Variants in LIN9 observed in about 807,000 individuals in gnomAD.
LIN9 encodes the protein protein lin-9 homolog.
LIN9 carries 18 observed loss-of-function variants against 78.0 expected under a neutral mutation model. That is an observed-to-expected ratio of 0.23 (90% CI 0.16 to 0.34). The LOEUF (loss-of-function observed/expected upper bound fraction) is 0.34, where lower values mean the gene tolerates loss of function less well. LIN9 is among the 10% of genes least tolerant of loss of function. LIN9 has a pLI of 1.00. For synonymous variants in LIN9, 192 were observed against 215.2 expected, an observed-to-expected ratio of 0.89 and a Z score of 0.94; for missense variants, 451 against 644.1, an observed-to-expected ratio of 0.70 and a Z score of 3.25.
intron 1 of LIN9, among the ~76,000 whole-genome samples, chr1:226,307,452 G>A (rs1183765231): frequency 1.3e-5 from 2 of 152,092 alleles, no homozygotes; most frequent in Non-Finnish European, 1.5e-5. Flanking sequence ...GACCAACATG[G>A]AGAAACCCCC....
At chr1:226,306,323 C>CAA (rs111756973) in intron 1 of LIN9, among the ~76,000 whole-genome samples, 1 of 141,720 alleles carries the variant, frequency 7.1e-6, no homozygotes, top group Non-Finnish European at 1.5e-5. Flanking sequence ...GACTCTGTCT[C>CAA]AAAAAAAAAA....
At chr1:226,292,868 CT>C (rs1661882939) in intron 4 of LIN9, among the ~76,000 whole-genome samples, 1 of 152,130 alleles carries the variant, frequency 6.6e-6, no homozygotes, top group South Asian at 2.1e-4. Flanking sequence ...TACTTCCTAG[CT>C]TTGAGTTCTT....
At position 226,297,794 on chromosome 1, in the gene LIN9, C is replaced by A. The variant is rs201383597; in HGVS notation, c.84G>T (p.Thr28=). The change falls in exon 3 of 15, where the codon ACG becomes ACT. Residue 28 remains threonine, a synonymous_variant. Transcript: ENST00000681046. ...GTAAAGAACTGTACTTTTCATTCCA[C>A]GTGTTAGATAAGCTTCCTTCTGTAA... ...VSLKEGSLSN[T]WNEKYSSLQK... 2 of 1,582,374 alleles carry A rather than the reference C, an allele frequency of 1.3e-6. No homozygotes were observed. The highest frequency in any genetic ancestry group is 8.6e-7 in the Non-Finnish European group (1 of 1,166,250).
intron 8 of LIN9, 29 bp from the exon 9 acceptor site, chr1:226,266,361 T>TA (rs746382261): frequency 4.5e-6 from 7 of 1,566,762 alleles, no homozygotes; most frequent in Non-Finnish European, 6.1e-6. Context: ...TCACAAAACT[T>TA]AAAGAAATTT....
chr1:226,296,143 A>G (rs1576354815), intron 3 of LIN9, among the ~76,000 whole-genome samples, 197 bp from the exon 4 acceptor site: 1 of 152,240 alleles, frequency 6.6e-6, no homozygotes, highest in Admixed American at 6.5e-5. Flanking sequence ...GTATTTATAC[A>G]AGGTGCTTAT....
chr1:226,279,608 C>CAAAAA (rs56886138), intron 6 of LIN9, among the ~76,000 whole-genome samples: 1 of 64,858 alleles, frequency 1.5e-5, no homozygotes, highest in Non-Finnish European at 2.7e-5. Flanking sequence ...GCCAAAAATA[C>CAAAAA]AAAAAAAAAA....
chr1:226,235,289 T>C (rs1453822648), intron 12 of LIN9, among the ~76,000 whole-genome samples: 1 of 119,380 alleles, frequency 8.4e-6, no homozygotes, highest in Non-Finnish European at 1.6e-5. Context: ...GCCCCTGTAC[T>C]CCAGCCTGGT....
chr1:226,267,502 C>T (rs1660012233), intron 8 of LIN9, among the ~76,000 whole-genome samples: 1 of 151,122 alleles, frequency 6.6e-6, no homozygotes, highest in Non-Finnish European at 1.5e-5. Flanking sequence ...ATAAATTACG[C>T]AATTGTACTT....
chr1:226,292,865 T>C (rs1005200831), intron 4 of LIN9, among the ~76,000 whole-genome samples: 2 of 152,226 alleles, frequency 1.3e-5, no homozygotes, highest in African/African-American at 4.8e-5. Context: ...CTTTACTTCC[T>C]AGCTTTGAGT....
intron 12 of LIN9, 39 bp from the exon 13 acceptor site, chr1:226,233,562 G>A (rs753593907): frequency 1.3e-6 from 2 of 1,504,168 alleles, no homozygotes; most frequent in South Asian, 1.3e-5. Context: ...GCATGTTCGA[G>A]AAGCCATGAT....
At chr1:226,301,133 C>CT (rs753549477) in intron 2 of LIN9, 40 bp downstream of exon 2, 1 of 1,496,228 alleles carries the variant, frequency 6.7e-7, no homozygotes, top group South Asian at 1.2e-5. Flanking sequence ...ACAAATTAGA[C>CT]TTTTAGCTAT....
At chr1:226,241,237 G>C (rs1658088677) in intron 11 of LIN9, among the ~76,000 whole-genome samples, 1 of 152,190 alleles carries the variant, frequency 6.6e-6, no homozygotes, top group Non-Finnish European at 1.5e-5. Flanking sequence ...TAAGAATGCA[G>C]GGATAATGCA....
intron 10 of LIN9, among the ~76,000 whole-genome samples, chr1:226,264,886 C>A (rs1031242157): frequency 6.6e-6 from 1 of 152,108 alleles, no homozygotes; most frequent in Non-Finnish European, 1.5e-5. Flanking sequence ...AAATAAAGAT[C>A]ATTTCTATCC....
At chr1:226,238,931 CA>C (rs1657917955) in intron 12 of LIN9, 39 bp downstream of exon 12, 1 of 1,582,050 alleles carries the variant, frequency 6.3e-7, no homozygotes, top group Non-Finnish European at 8.6e-7. Flanking sequence ...GATTAAGCTT[CA>C]AATACAAATA....
At chr1:226,309,622 TCA>T (rs776777252), upstream of LIN9, 12 of 1,267,522 alleles carry the variant, frequency 9.5e-6, no homozygotes, top group East Asian at 4.6e-4. Flanking sequence ...AGTGAAATAC[TCA>T]CAGTTCCCGA....
At chr1:226,286,810 A>G (rs1661404356) in intron 5 of LIN9, among the ~76,000 whole-genome samples, 1 of 152,226 alleles carries the variant, frequency 6.6e-6, no homozygotes, top group South Asian at 2.1e-4. Context: ...ATCACCAAGG[A>G]GTCCTCTTTG....
intron 1 of LIN9, 22 bp downstream of exon 1, chr1:226,309,087 G>T: frequency 2.3e-6 from 3 of 1,310,842 alleles, no homozygotes; most frequent in East Asian, 2.8e-5. Flanking sequence ...AAAAGGGGGG[G>T]GTGCTTTGAG....
chr1:226,246,637 C>T (rs373315428), intron 11 of LIN9, among the ~76,000 whole-genome samples: 1 of 146,244 alleles, frequency 6.8e-6, no homozygotes, highest in Non-Finnish European at 1.5e-5. Flanking sequence ...AAAAAAAATA[C>T]AAAAAATTAG....
At chr1:226,243,519 A>ACCC (rs1351188703) in intron 11 of LIN9, among the ~76,000 whole-genome samples, 2 of 151,942 alleles carry the variant, frequency 1.3e-5, no homozygotes, top group Non-Finnish European at 2.9e-5. Flanking sequence ...ACATGGTGAA[A>ACCC]CCCCATCTCT....
Sources: allele counts gnomAD v4.1 joint callset (sites outside exome capture counted in the v4.1 genomes callset), GRCh38; gene constraint gnomAD v4.1.1; transcripts MANE v1.5; gene names NCBI Gene and HGNC (gene_info 2026-07-23, HGNC 2026-07-21).